CTSZ: variants seen among roughly 807,000 people sequenced by gnomAD.
CTSZ encodes the protein carboxypeptidase LB.
Under a neutral mutation model 32.4 loss-of-function variants are expected in CTSZ, and 39 were observed. The observed-to-expected ratio is 1.20, with a 90% CI of 0.93 to 1.57. The LOEUF (loss-of-function observed/expected upper bound fraction) is 1.57. CTSZ is among the 40% of genes most tolerant of loss of function. The probability of loss-of-function intolerance (pLI) is 0.00; values close to 1 mark genes in which losing one functional copy is unlikely to be tolerated. For missense variants in CTSZ, 397 were observed against 419.6 expected (o/e 0.95, Z 0.47); for synonymous variants, 168 against 170.1 (o/e 0.99, Z 0.10).
intron 3 of CTSZ, among the ~76,000 whole-genome samples, chr20:59,000,263 A>G (rs1199946563): frequency 1.3e-5 from 2 of 152,088 alleles, no homozygotes; most frequent in African/African-American, 4.8e-5. Flanking sequence ...CTGTAATCCC[A>G]GCTACTCAGG....
rs2091911275 is a variant in CTSZ, at chr20:59,006,989, C to T, written c.140G>A (p.Arg47His). The change falls in exon 1 of 6, where the codon CGC (arginine) becomes CAC (histidine). Residue 47 changes from arginine to histidine, a missense_variant. Arg to His is a conservative substitution (Grantham distance 29, BLOSUM62 0). Coordinates refer to ENST00000217131, the MANE Select transcript of CTSZ (RefSeq NM_001336.4). ...CTGCCTCCCCGCCGGTGCCCACCTG[C>T]GCCCCAGCGGAGCCAGCCCGTCCCC... ...LRGDGLAPLGRSTYPRPHEYL... is the reference protein window; with the variant it reads ...LRGDGLAPLGHSTYPRPHEYL... 4 of 1,454,698 alleles carry T rather than the reference C, an allele frequency of 2.7e-6. No individual in the cohort carries two copies. The East Asian group carries it at 8.9e-5, about 33-fold the overall frequency. The allele number at this position is 1,454,698 out of a possible 1,614,324, so 90.1% of individuals were successfully genotyped here. A position where few individuals can be genotyped will look rare whatever the true frequency, so the allele number is the denominator to read the frequency against.
chr20:58,999,897 G>T (rs190220915), intron 3 of CTSZ, among the ~76,000 whole-genome samples: 1 of 151,956 alleles, frequency 6.6e-6, no homozygotes, highest in Non-Finnish European at 1.5e-5. Flanking sequence ...GTGAAATCCC[G>T]CCTCTACTAA....
chr20:59,003,073 C>A (rs193007521), intron 2 of CTSZ, among the ~76,000 whole-genome samples: 102 of 152,308 alleles, frequency 6.7e-4, no homozygotes, highest in Middle Eastern at 3.4e-3. Context: ...CACTGTCATC[C>A]GAGCTGACCA....
chr20:59,007,012 C>T lies in CTSZ; in HGVS notation c.117G>A (p.Gly39=), dbSNP rs1352985524. ...TGCGCCCCAGCGGAGCCAGCCCGTC[C>T]CCCCGCAGAGGCCGGTAGCAGGTCT... is the stretch of plus-strand genomic sequence containing the variant. The part of the protein sequence containing the change: ...RGQTCYRPLR[G]DGLAPLGRST... The change falls in exon 1 of 6, where the codon GGG becomes GGA. Residue 39 remains glycine, a synonymous_variant. Coordinates refer to ENST00000217131, the MANE Select transcript of CTSZ (RefSeq NM_001336.4). 2.7e-6 allele frequency: 4 copies of T among 1,472,112 alleles called. No individual in the cohort carries two copies. The African/African-American group carries it at 4.4e-5, about 16-fold the overall frequency. 91.2% of individuals were successfully genotyped at this position (1,472,112 alleles called of 1,614,324 possible).
At chr20:58,999,021 GT>G (rs1568682284) in intron 3 of CTSZ, among the ~76,000 whole-genome samples, 1 of 151,846 alleles carries the variant, frequency 6.6e-6, no homozygotes, top group Non-Finnish European at 1.5e-5. Context: ...TCGCAATCAG[GT>G]TTTTTTATTC....
intron 3 of CTSZ, among the ~76,000 whole-genome samples, chr20:59,000,562 G>C (rs530417174): frequency 3.3e-4 from 50 of 152,294 alleles, no homozygotes; most frequent in African/African-American, 1.1e-3. Flanking sequence ...GAATGTGGGG[G>C]ACCTGGGCCC....
chr20:58,995,742 C>T lies in CTSZ; in HGVS notation c.819G>A (p.Leu273=), dbSNP rs1241988242. ...WGEPWGERGW[L]RIVTSTYKDG... The stretch of plus-strand genomic sequence containing the variant: ...CCTTATAGGTGCTGGTCACGATCCT[C>T]AGCCAGCCTCTCTCGCCCTGTGAGA... The change falls in exon 6 of 6, where the codon CTG becomes CTA. Residue 273 remains leucine (L), a synonymous_variant. Coordinates refer to ENST00000217131, the MANE Select transcript of CTSZ (RefSeq NM_001336.4). The T allele has an allele frequency of 2.5e-6, 4 of 1,614,014 alleles. No individual in the cohort carries two copies. The highest frequency in any genetic ancestry group is 1.3e-5 in the African/African-American group (1 of 74,930).
At chr20:58,996,873 A>G (rs2091863043) in intron 4 of CTSZ, 72 bp from the exon 5 acceptor site, 2 of 1,544,730 alleles carry the variant, frequency 1.3e-6, no homozygotes, top group African/African-American at 2.7e-5. Flanking sequence ...ATAATCTGAT[A>G]TGGCTGGGCG....
intron 2 of CTSZ, chr20:59,006,091 T>C: frequency 1.9e-6 from 1 of 538,832 alleles, no homozygotes; most frequent in Non-Finnish European, 3.3e-6. Context: ...CAGCCACTTG[T>C]CACTGGGATT....
At chr20:59,006,580 C>T in intron 1 of CTSZ, 95 bp from the exon 2 acceptor site, 1 of 1,314,170 alleles carries the variant, frequency 7.6e-7, no homozygotes, top group Non-Finnish European at 1.0e-6. Flanking sequence ...CCTTTCCCAA[C>T]ACCTGAGGGC....
rs1438171873 is a variant in CTSZ, at chr20:58,996,844, G to T, written c.639-43C>A. On this transcript the variant is annotated intron_variant, in intron 4 of 5. Transcript: ENST00000217131. ...AAGAATTACCACTTTTAAATTGAGAGAATTTACCGTCATTAGAAATAATCT... is the reference window on the plus strand; with the variant it reads ...AAGAATTACCACTTTTAAATTGAGATAATTTACCGTCATTAGAAATAATCT... 2.5e-6 allele frequency: 4 copies of T among 1,595,798 alleles called. No homozygotes were observed. The South Asian group carries it at 3.3e-5, about 13-fold the overall frequency.
chr20:59,006,528 C>G, intron 1 of CTSZ, 43 bp from the exon 2 acceptor site: 1 of 1,569,936 alleles, frequency 6.4e-7, no homozygotes, highest in Non-Finnish European at 8.6e-7. Flanking sequence ...CTGGGGCTCC[C>G]GGGGGCCGTG....
rs1447161242 is a variant in CTSZ, at chr20:59,007,228, CCCAGCA to C, written c.-106_-101del. 47 of 1,238,486 alleles carry C rather than the reference CCCAGCA, an allele frequency of 3.8e-5. No homozygotes were observed. The highest frequency in any genetic ancestry group is 5.0e-5 in the African/African-American group (3 of 60,416). 76.7% of individuals were successfully genotyped at this position (1,238,486 alleles called of 1,614,324 possible). A position where few individuals can be genotyped will look rare whatever the true frequency, so the allele number is the denominator to read the frequency against. On this transcript the variant is annotated 5_prime_UTR_variant, in exon 1 of 6. Transcript: ENST00000217131. ...GATCCCGCCCCGGCCTCGGCCTCGGCCCAGCACCCGGCCGACCCCGCACTTTGGGCC... is the reference window on the plus strand; with the variant it reads ...GATCCCGCCCCGGCCTCGGCCTCGGCCCCGGCCGACCCCGCACTTTGGGCC...
chr20:58,999,929 C>T (rs954287620), intron 3 of CTSZ, among the ~76,000 whole-genome samples: 55 of 152,322 alleles, frequency 3.6e-4, no homozygotes, highest in Non-Finnish European at 1.5e-4. Context: ...ATTAGCCGGG[C>T]GCGGTGGCGG....
At chr20:58,997,156 T>C (rs1036873191) in intron 4 of CTSZ, among the ~76,000 whole-genome samples, 1 of 92,408 alleles carries the variant, frequency 1.1e-5, no homozygotes, top group African/African-American at 5.0e-5. Flanking sequence ...AGTGAGACTG[T>C]GTTTCAAAAA....
intron 4 of CTSZ, 52 bp downstream of exon 4, chr20:58,997,551 G>A (rs2091867098): frequency 4.1e-6 from 6 of 1,471,662 alleles, no homozygotes; most frequent in South Asian, 1.4e-5. Flanking sequence ...CCTCACCCGC[G>A]GGACCTTTCC....
At position 58,996,782 on chromosome 20, in the gene CTSZ, C is replaced by G. The variant is rs1209652570; in HGVS notation, c.658G>C (p.Glu220Gln). 8 of 1,614,132 alleles carry G rather than the reference C, an allele frequency of 5.0e-6. No homozygotes were observed. Among genetic ancestry groups the G allele is most frequent in the Non-Finnish European group, 6.8e-6 (8 of 1,180,016 alleles). ...GPISCGIMAT[E>Q]RLANYTGGIY... Reference sequence around the variant, plus strand: ...CCTCCGGTGTAGTTAGCCAGTCTTTCTGTTGCCATTATTCCACAGCTGAGA... The same window carrying G: ...CCTCCGGTGTAGTTAGCCAGTCTTTGTGTTGCCATTATTCCACAGCTGAGA... The change falls in exon 5 of 6, where the codon GAA becomes CAA. Residue 220 changes from glutamate to glutamine, a missense_variant. Physicochemically the swap from Glu to Gln is conservative, Grantham distance 29. Coordinates refer to ENST00000217131, the MANE Select transcript of CTSZ (RefSeq NM_001336.4).
rs1368714296 is a variant in CTSZ at position 58,995,882 on chromosome 20, C to G, written c.802-123G>C. ...TCAGGCCAGCCTTGGGGGATCCAGA[C>G]AGCCCACTCAGCTGCCCCTCAGCTT... On this transcript the variant is annotated intron_variant, in intron 5 of 5. Transcript: ENST00000217131. The G allele has an allele frequency of 5.6e-6, 4 of 719,308 alleles. No homozygotes were observed. In the Admixed American group the frequency reaches 9.6e-5, roughly 17 times the overall value. 44.6% of individuals were successfully genotyped at this position (719,308 alleles called of 1,614,324 possible). A position where few individuals can be genotyped will look rare whatever the true frequency, so the allele number is the denominator to read the frequency against.
chr20:59,000,309 C>T (rs1282953628), intron 3 of CTSZ, among the ~76,000 whole-genome samples: 5 of 152,234 alleles, frequency 3.3e-5, no homozygotes, highest in Non-Finnish European at 7.3e-5. Flanking sequence ...ACCCGGGAGG[C>T]GGAGGTTGCA....
Sources: allele counts gnomAD v4.1 joint callset (sites outside exome capture counted in the v4.1 genomes callset), GRCh38; gene constraint gnomAD v4.1.1; transcripts MANE v1.5; gene names NCBI Gene and HGNC (gene_info 2026-07-23, HGNC 2026-07-21).